THSD7A: variants seen among roughly 807,000 people sequenced by gnomAD.
The protein encoded by THSD7A is thrombospondin type-1 domain-containing protein 7A.
THSD7A carries 96 observed loss-of-function variants against 231.3 expected under a neutral mutation model. The observed-to-expected ratio is 0.41, with a 90% CI of 0.35 to 0.49. The LOEUF is 0.49. THSD7A is among the 20% of genes least tolerant of loss of function. The pLI is 0.05. For missense variants in THSD7A, 2,290 were observed against 2,070.2 expected, an observed-to-expected ratio of 1.11 and a Z score of -2.06; for synonymous variants, 940 against 743.3, an observed-to-expected ratio of 1.26 and a Z score of -4.30.
chr7:11,408,706 T>TAG (rs1451462595), intron 19 of THSD7A, among the ~76,000 whole-genome samples: 3 of 152,186 alleles, frequency 2.0e-5, no homozygotes, highest in Non-Finnish European at 4.4e-5. Flanking sequence ...GTTTCAAGTA[T>TAG]AGCTCTTAGC....
intron 5 of THSD7A, among the ~76,000 whole-genome samples, chr7:11,542,077 T>C (rs1195427466): frequency 6.6e-6 from 1 of 152,232 alleles, no homozygotes; most frequent in Non-Finnish European, 1.5e-5. Context: ...TCTTCAGCAA[T>C]GTCACATGAT....
Position 11,590,739 on chromosome 7 carries a change from A to G in THSD7A, c.1272-98T>C. 1 of 1,350,578 alleles carries G rather than the reference A, an allele frequency of 7.4e-7. No homozygotes were observed. Among genetic ancestry groups the G allele is most frequent in the Non-Finnish European group, 9.9e-7 (1 of 1,006,030 alleles). The allele number at this position is 1,350,578 out of a possible 1,614,324, so 83.7% of individuals were successfully genotyped here. On this transcript the variant is annotated intron_variant, in intron 3 of 27. Coordinates refer to ENST00000423059, the MANE Select transcript of THSD7A (RefSeq NM_015204.3). This position sits in a 1 kb window ranked among gnomAD's most constrained non-coding sequence, Gnocchi z 4.4. ...TGTTTTAACGAAAATTAGTCTCAAA[A>G]TCATTTTCCTAGAGAATCCATCGTA... is the stretch of plus-strand genomic sequence containing the variant.
chr7:11,757,056 G>T (rs1325346427), intron 1 of THSD7A, among the ~76,000 whole-genome samples: 1 of 151,616 alleles, frequency 6.6e-6, no homozygotes, highest in African/African-American at 2.4e-5. Flanking sequence ...TTAACTTCTG[G>T]CATAATGTTT....
chr7:11,441,415 G>A (rs1477951920), intron 13 of THSD7A, among the ~76,000 whole-genome samples: 1 of 151,862 alleles, frequency 6.6e-6, no homozygotes, highest in African/African-American at 2.4e-5. Flanking sequence ...TGCATAAGCT[G>A]GGCTACCTCT....
chr7:11,753,104 G>C (rs930131736), intron 1 of THSD7A, among the ~76,000 whole-genome samples: 2 of 152,008 alleles, frequency 1.3e-5, no homozygotes, highest in Non-Finnish European at 2.9e-5. Flanking sequence ...ACCAAACATG[G>C]CTTTATAGCA....
Position 11,690,962 on chromosome 7 carries a change from A to G in THSD7A, c.191-54001T>C, listed in dbSNP as rs996927796. On this transcript the variant is annotated intron_variant, in intron 1 of 27. Coordinates refer to ENST00000423059, the MANE Select transcript of THSD7A (RefSeq NM_015204.3). Reference sequence around the variant, plus strand: ...GAGGTGGTATAGTCACAGAATTTTAAAGCAATTGCTCACTGTTTTTAAAAA... The same window carrying G: ...GAGGTGGTATAGTCACAGAATTTTAGAGCAATTGCTCACTGTTTTTAAAAA... 2.6e-5 allele frequency among the ~76,000 whole-genome samples: 4 copies of G among 151,738 alleles called. No individual in the cohort carries two copies. In the East Asian group the frequency reaches 7.9e-4, roughly 30 times the overall value.
chr7:11,767,040 C>CT (rs371668941), intron 1 of THSD7A, among the ~76,000 whole-genome samples: 2 of 152,146 alleles, frequency 1.3e-5, no homozygotes, highest in East Asian at 3.9e-4. Context: ...CAGAAAACTT[C>CT]TTTTAATGAT....
At chr7:11,580,529 A>G (rs1188575452) in intron 4 of THSD7A, among the ~76,000 whole-genome samples, 1 of 152,138 alleles carries the variant, frequency 6.6e-6, no homozygotes, top group Non-Finnish European at 1.5e-5. Flanking sequence ...TTTTTAAAAA[A>G]TCACCAGAAA....
intron 6 of THSD7A, among the ~76,000 whole-genome samples, chr7:11,537,314 A>G (rs1788953496): frequency 6.6e-6 from 1 of 152,192 alleles, no homozygotes; most frequent in South Asian, 2.1e-4. Flanking sequence ...TAGTTTGGAT[A>G]TGTGTCCCCA....
chr7:11,745,046 T>G (rs1205149082), intron 1 of THSD7A, among the ~76,000 whole-genome samples: 1 of 152,012 alleles, frequency 6.6e-6, no homozygotes, highest in Non-Finnish European at 1.5e-5. Flanking sequence ...TGAACTAGTT[T>G]ACAGTCCCAC....
chr7:11,617,667 A>G (rs904854433), intron 2 of THSD7A, among the ~76,000 whole-genome samples: 3 of 152,212 alleles, frequency 2.0e-5, no homozygotes, highest in African/African-American at 7.2e-5. Flanking sequence ...TTGTTACGTT[A>G]GATTTACCTT....
At chr7:11,548,849 TAA>T (rs56231315) in intron 4 of THSD7A, among the ~76,000 whole-genome samples, 1 of 149,142 alleles carries the variant, frequency 6.7e-6, no homozygotes, top group Non-Finnish European at 1.5e-5. Flanking sequence ...GGAAAATACC[TAA>T]AAAAAAAAGC....
rs1002714384 is a variant in THSD7A at position 11,831,507 on chromosome 7, G to A, written c.190+250C>T. On this transcript the variant is annotated intron_variant, in intron 1 of 27. Coordinates refer to ENST00000423059, the MANE Select transcript of THSD7A (RefSeq NM_015204.3). This position sits in a 1 kb window ranked among gnomAD's most constrained non-coding sequence, Gnocchi z 5.0. ...ATAATGCACTTCATCATGGAAGTGC[G>A]CGTTGCCCTCATTACAGAGCTGCGA... is the stretch of plus-strand genomic sequence containing the variant. Among the ~76,000 whole-genome samples the A allele has an allele frequency of 2.0e-5, 3 of 152,142 alleles. No homozygotes were observed. The highest frequency in any genetic ancestry group is 4.1e-4 in the South Asian group (2 of 4,826).
chr7:11,831,367 C>A lies in THSD7A; in HGVS notation c.190+390G>T, dbSNP rs1343520265. On this transcript the variant is annotated intron_variant, in intron 1 of 27. Coordinates refer to ENST00000423059, the MANE Select transcript of THSD7A (RefSeq NM_015204.3). The surrounding 1 kb of genome is among the most constrained non-coding windows in gnomAD (Gnocchi z 5.0). ...AACTCTATATCCACAAATGTCATGACAGTGAGCATATTGCTTTGCCTAAAG... is the reference window on the plus strand; with the variant it reads ...AACTCTATATCCACAAATGTCATGAAAGTGAGCATATTGCTTTGCCTAAAG... 6.6e-6 allele frequency among the ~76,000 whole-genome samples: 1 copy of A among 152,212 alleles called. No homozygotes were observed. Among genetic ancestry groups the A allele is most frequent in the African/African-American group, 2.4e-5 (1 of 41,454 alleles).
intron 1 of THSD7A, among the ~76,000 whole-genome samples, chr7:11,733,867 TTA>T (rs1330971226): frequency 6.6e-6 from 1 of 151,930 alleles, no homozygotes; most frequent in Non-Finnish European, 1.5e-5. Flanking sequence ...TTATACATTG[TTA>T]ATGACACTAT....
At chr7:11,722,402 T>C (rs1434880257) in intron 1 of THSD7A, among the ~76,000 whole-genome samples, 1 of 151,890 alleles carries the variant, frequency 6.6e-6, no homozygotes, top group Non-Finnish European at 1.5e-5. Flanking sequence ...ATGGATAACA[T>C]CAGTATTGTG....
intron 1 of THSD7A, among the ~76,000 whole-genome samples, chr7:11,641,558 A>G (rs1308561297): frequency 6.6e-6 from 1 of 152,078 alleles, no homozygotes; most frequent in Non-Finnish European, 1.5e-5. Context: ...TTTATTAACC[A>G]GCTACTCACA....
rs192227314 is a variant in THSD7A at position 11,593,433 on chromosome 7, G to A, written c.1092C>T (p.Ser364=). ...SCVITKECQV[S]EWSEWSPCSK... is the part of the protein sequence containing the mutation. ...AGCAGGGGCTCCACTCTGACCACTC[G>A]GAAACCTGGCACTCTTTGGTGATCA... The change falls in exon 3 of 28, where the codon TCC becomes TCT. Residue 364 remains serine, a synonymous_variant. Coordinates refer to ENST00000423059, the MANE Select transcript of THSD7A (RefSeq NM_015204.3). The A allele has an allele frequency of 7.2e-5, 116 of 1,613,960 alleles. 1 individual carries two copies. The highest frequency in any genetic ancestry group is 1.2e-4 in the Admixed American group (7 of 60,016).
At chr7:11,478,029 C>T (rs1268235708) in intron 7 of THSD7A, among the ~76,000 whole-genome samples, 1 of 152,126 alleles carries the variant, frequency 6.6e-6, no homozygotes, top group African/African-American at 2.4e-5. Context: ...AGTTTTCTTT[C>T]CTAACATATT....
Sources: allele counts gnomAD v4.1 joint callset (sites outside exome capture counted in the v4.1 genomes callset), GRCh38; gene constraint gnomAD v4.1.1; non-coding constraint Gnocchi (gnomAD v3.1); transcripts MANE v1.5; gene names NCBI Gene and HGNC (gene_info 2026-07-23, HGNC 2026-07-21).